The following NCOA3 variants were observed in gnomAD, a reference collection of about 807,000 sequenced individuals.
NCOA3 encodes nuclear receptor coactivator 3.
NCOA3 carries 51 observed loss-of-function variants against 158.8 expected under a neutral mutation model. The observed-to-expected ratio is 0.32, with a 90% CI of 0.26 to 0.41. The LOEUF is 0.41. Ranked by LOEUF, NCOA3 falls within the 10% of genes least tolerant of loss-of-function variation. The probability of loss-of-function intolerance (pLI) is 1.00; values close to 1 mark genes in which losing one functional copy is unlikely to be tolerated. For missense variants in NCOA3, 1,510 were observed against 1,746.6 expected, an observed-to-expected ratio of 0.86 and a Z score of 2.41; for synonymous variants, 537 against 592.4, an observed-to-expected ratio of 0.91 and a Z score of 1.36.
At chr20:47,603,462 A>C (rs774591657) in intron 2 of NCOA3, among the ~76,000 whole-genome samples, 4 of 152,250 alleles carry the variant, frequency 2.6e-5, no homozygotes, top group Non-Finnish European at 5.9e-5. Context: ...CCCAAGCCCA[A>C]GTAGGCATGT....
At chr20:47,581,282 C>T (rs879766279) in intron 1 of NCOA3, among the ~76,000 whole-genome samples, 4 of 152,052 alleles carry the variant, frequency 2.6e-5, no homozygotes, top group East Asian at 3.8e-4. Context: ...GAAAAAAATT[C>T]GAGACACTTA....
chr20:47,610,488 G>C (rs1483579376), intron 2 of NCOA3, among the ~76,000 whole-genome samples: 1 of 152,138 alleles, frequency 6.6e-6, no homozygotes, highest in African/African-American at 2.4e-5. Context: ...CCAAAGCGTT[G>C]GGATTACAGG....
intron 8 of NCOA3, among the ~76,000 whole-genome samples, chr20:47,632,358 T>G (rs932211063): frequency 7.9e-5 from 12 of 151,082 alleles, no homozygotes; most frequent in Admixed American, 5.3e-4. Context: ...CTTTGGAAGC[T>G]CATCAAATCT....
At chr20:47,615,111 A>G (rs970358437) in intron 2 of NCOA3, among the ~76,000 whole-genome samples, 4 of 152,232 alleles carry the variant, frequency 2.6e-5, no homozygotes, top group Non-Finnish European at 2.9e-5. Context: ...TCTAGTGGAA[A>G]GTTAGCCATT....
chr20:47,582,356 C>A (rs1048578215), intron 1 of NCOA3, among the ~76,000 whole-genome samples: 3 of 152,004 alleles, frequency 2.0e-5, no homozygotes, highest in Admixed American at 1.3e-4. Flanking sequence ...GGACTACAGG[C>A]GCATGCCATC....
intron 2 of NCOA3, among the ~76,000 whole-genome samples, chr20:47,615,758 A>G (rs1194817182): frequency 6.6e-6 from 1 of 152,220 alleles, no homozygotes; most frequent in Non-Finnish European, 1.5e-5. Context: ...ATACTTGTTC[A>G]TTTTAAATCT....
At chr20:47,553,910 G>A (rs960313267) in intron 1 of NCOA3, among the ~76,000 whole-genome samples, 12 of 152,180 alleles carry the variant, frequency 7.9e-5, no homozygotes, top group African/African-American at 2.9e-4. Context: ...TTGGGTATAT[G>A]CCCAGTAATG....
At chr20:47,635,739 T>C in intron 11 of NCOA3, 26 bp downstream of exon 11, 1 of 1,567,392 alleles carries the variant, frequency 6.4e-7, no homozygotes, top group Non-Finnish European at 8.6e-7. Flanking sequence ...TTTCCTTTTA[T>C]TTTTTTTCTT....
chr20:47,520,996 C>G (rs1291371887), intron 1 of NCOA3, among the ~76,000 whole-genome samples: 1 of 152,220 alleles, frequency 6.6e-6, no homozygotes, highest in Admixed American at 6.5e-5. Flanking sequence ...TGATCATTCA[C>G]GCACATACAC....
At chr20:47,508,066 T>G (rs2146044740) in intron 1 of NCOA3, among the ~76,000 whole-genome samples, 1 of 152,262 alleles carries the variant, frequency 6.6e-6, no homozygotes, top group African/African-American at 2.4e-5. Flanking sequence ...AAAGGGATAG[T>G]AATGATGTAG....
intron 1 of NCOA3, among the ~76,000 whole-genome samples, chr20:47,510,398 A>T (rs2084099851): frequency 8.6e-6 from 1 of 115,934 alleles, no homozygotes. Context: ...GCGCCACTGC[A>T]CTCCAGCCTG....
In NCOA3 at chr20:47,542,175, T is replaced by A. The variant is rs150778494; in HGVS notation, c.-99+40156T>A. On this transcript the variant is annotated intron_variant, in intron 1 of 22. Transcript: ENST00000371998. ...CCTCCCAAGTAGCTGGGATTAAAGG[T>A]GCACACCACCATGCCAGCTACATTA... 1.3e-3 allele frequency among the ~76,000 whole-genome samples: 195 copies of A among 151,488 alleles called. 1 individual carries two copies. The Middle Eastern group carries it at 0.024, about 18-fold the overall frequency.
Position 47,653,490 on chromosome 20 carries a change from C to A in NCOA3, c.*73C>A. ...TGCACTAGGATTATTGGGAAGGAAT[C>A]ATTGTTCCAGGCATCCATCTTGGAA... On this transcript the variant is annotated 3_prime_UTR_variant, in exon 23 of 23. Transcript: ENST00000371998. 2 of 1,523,194 alleles carry A rather than the reference C, an allele frequency of 1.3e-6. No homozygotes were observed. The highest frequency in any genetic ancestry group is 1.8e-6 in the Non-Finnish European group (2 of 1,113,092). 94.4% of individuals were successfully genotyped at this position (1,523,194 alleles called of 1,614,324 possible). A position where few individuals can be genotyped will look rare whatever the true frequency, so the allele number is the denominator to read the frequency against.
chr20:47,597,503 G>T (rs533282056), intron 2 of NCOA3, among the ~76,000 whole-genome samples: 1 of 148,466 alleles, frequency 6.7e-6, no homozygotes, highest in Admixed American at 6.7e-5. Context: ...TTTTTTGGGA[G>T]GGGGAGATGG....
chr20:47,563,888 C>CAAAAAA (rs72161837), intron 1 of NCOA3, among the ~76,000 whole-genome samples: 1 of 58,774 alleles, frequency 1.7e-5, no homozygotes, highest in Non-Finnish European at 3.4e-5. Context: ...GATTCTGTCT[C>CAAAAAA]AAAAAAAAAA....
At chr20:47,506,275 C>G (rs1289788172) in intron 1 of NCOA3, among the ~76,000 whole-genome samples, 1 of 152,126 alleles carries the variant, frequency 6.6e-6, no homozygotes, top group African/African-American at 2.4e-5. Flanking sequence ...GAGAGGGTTT[C>G]TGGGAGAAGA....
intron 1 of NCOA3, among the ~76,000 whole-genome samples, chr20:47,522,696 G>A (rs940447009): frequency 2.0e-5 from 3 of 150,546 alleles, no homozygotes; most frequent in African/African-American, 4.8e-5. Flanking sequence ...ATGCAGGGGC[G>A]CTATGATGTT....
intron 2 of NCOA3, among the ~76,000 whole-genome samples, chr20:47,597,106 G>A (rs746806858): frequency 3.4e-4 from 52 of 152,018 alleles, no homozygotes; most frequent in Non-Finnish European, 5.9e-4. Context: ...TGACAAATGT[G>A]ACCATCACCA....
At chr20:47,586,804 A>G (rs2085542644) in intron 2 of NCOA3, among the ~76,000 whole-genome samples, 1 of 152,176 alleles carries the variant, frequency 6.6e-6, no homozygotes, top group South Asian at 2.1e-4. Context: ...CCTTGTGATT[A>G]GATTAAGATG....
Sources: gnomAD v4.1 joint callset for allele counts (sites outside exome capture counted in the v4.1 genomes callset) on GRCh38, gnomAD v4.1.1 for gene constraint, MANE v1.5 for transcripts, NCBI Gene and HGNC (gene_info 2026-07-23, HGNC 2026-07-21) for gene names.